The following UTP11 variants were observed in gnomAD, a reference collection of about 807,000 sequenced individuals.
UTP11 encodes probable U3 small nucleolar RNA-associated protein 11.
Under a neutral mutation model 39.0 loss-of-function variants are expected in UTP11, and 29 were observed. The observed-to-expected ratio is 0.74, with a 90% CI of 0.55 to 1.01. The LOEUF is 1.01. Among genes scored for constraint, UTP11 ranks in the 50% least tolerant of loss-of-function variants. The pLI, the probability that UTP11 is intolerant of heterozygous loss-of-function variation, is 0.00. For synonymous variants in UTP11, 111 were observed against 105.0 expected, an observed-to-expected ratio of 1.06 and a Z score of -0.35; for missense variants, 281 against 306.0, an observed-to-expected ratio of 0.92 and a Z score of 0.61.
In UTP11 at chr1:38,013,903, C is replaced by T. The variant is rs376058471; in HGVS notation, c.63+1038C>T. 9.3e-4 allele frequency among the ~76,000 whole-genome samples: 142 copies of T among 152,228 alleles called. 1 individual carries two copies. The highest frequency in any genetic ancestry group is 2.6e-3 in the African/African-American group (108 of 41,552). The stretch of plus-strand genomic sequence containing the variant: ...CTAATTTTTGTATTTTTAGTAGAGA[C>T]GGGGTTTTGTCAGATTGGCCAGGCT... On this transcript the variant is annotated intron_variant, in intron 1 of 7. Transcript: ENST00000373014.
chr1:38,017,622 C>CTTTT (rs1217188490), intron 2 of UTP11, 46 bp from the exon 3 acceptor site: 4 of 1,130,970 alleles, frequency 3.5e-6, no homozygotes, highest in East Asian at 6.8e-5. Flanking sequence ...TTAAAATTAT[C>CTTTT]TATTTTTTTT....
In UTP11 at chr1:38,018,489, C is replaced by G; in HGVS notation, c.254C>G (p.Thr85Ser). The G allele has an allele frequency of 6.2e-7, 1 of 1,613,158 alleles. No homozygotes were observed. Among genetic ancestry groups the G allele is most frequent in the Non-Finnish European group, 8.5e-7 (1 of 1,179,548 alleles). Residue 85 changes from threonine (T) to serine (S), a missense_variant, in exon 4 of 8, where the codon ACT (threonine) becomes AGT (serine). Physicochemically the swap from Thr to Ser is moderately conservative, Grantham distance 58 (BLOSUM62 1). Coordinates refer to ENST00000373014, the MANE Select transcript of UTP11 (RefSeq NM_016037.4). ...GATGGAGTACATATTATTAAGGAGA[C>G]TAAGGAAGAAGTAACCCCAGAACAA... ...LQDGVHIIKETKEEVTPEQLK... is the reference protein window; with the variant it reads ...LQDGVHIIKESKEEVTPEQLK...
At position 38,022,700 on chromosome 1, in the gene UTP11, G is replaced by T; in HGVS notation, c.569G>T (p.Arg190Leu). ...KGVTNQTGLK[R>L]IAKERQKQYN... ...AGAATGTGTGTGTTTCTTCTCCAGC[G>T]AATAGCTAAAGAAAGGCAAAAGCAG... Residue 190 changes from arginine to leucine, a missense_variant and splice_region_variant, in exon 7 of 8, where the codon CGA becomes CTA. Physicochemically the swap from Arg to Leu is moderately radical, Grantham distance 102. Transcript: ENST00000373014. The T allele has an allele frequency of 6.2e-7, 1 of 1,607,748 alleles. No individual in the cohort carries two copies. Among genetic ancestry groups the T allele is most frequent in the Non-Finnish European group, 8.5e-7 (1 of 1,174,542 alleles).
chr1:38,019,284 A>T lies in UTP11; in HGVS notation c.468A>T (p.Gln156His). 6.2e-7 allele frequency: 1 copy of T among 1,614,130 alleles called. No homozygotes were observed. The highest frequency in any genetic ancestry group is 2.2e-5 in the East Asian group (1 of 44,882). ...VEQFDVATHL[Q>H]TAPELVDRVF... ...AGTTTGATGTCGCAACTCACCTGCA[A>T]ACAGCCCCGGAGCTAGTCGACAGAG... Residue 156 changes from glutamine to histidine, a missense_variant, in exon 6 of 8, where the codon CAA (glutamine) becomes CAT (histidine). Coordinates refer to ENST00000373014, the MANE Select transcript of UTP11 (RefSeq NM_016037.4).
chr1:38,018,847 C>T (rs1256120956), intron 4 of UTP11, among the ~76,000 whole-genome samples: 1 of 152,186 alleles, frequency 6.6e-6, no homozygotes, highest in Non-Finnish European at 1.5e-5. Flanking sequence ...TCATTTCTGT[C>T]TCAGGCGACT....
At position 38,017,684 on chromosome 1, in the gene UTP11, C is replaced by G; in HGVS notation, c.142C>G (p.Gln48Glu). Reference sequence around the variant, plus strand: ...GTCTTTTAGTGACTACCGTAAAAAACAAGAATACCTCAAAGCTCTTCGGAA... The same window carrying G: ...GTCTTTTAGTGACTACCGTAAAAAAGAAGAATACCTCAAAGCTCTTCGGAA... ...KLRADDYRKK[Q>E]EYLKALRKKA... is the part of the protein sequence containing the mutation. The change falls in exon 3 of 8, where the codon CAA becomes GAA. Residue 48 changes from glutamine (Q) to glutamate (E), a missense_variant. Physicochemically the swap from Gln to Glu is conservative, Grantham distance 29 (BLOSUM62 2). Coordinates refer to ENST00000373014, the MANE Select transcript of UTP11 (RefSeq NM_016037.4). The G allele has an allele frequency of 6.6e-7, 1 of 1,524,028 alleles. No homozygotes were observed. The highest frequency in any genetic ancestry group is 8.8e-7 in the Non-Finnish European group (1 of 1,134,026). The allele number at this position is 1,524,028 out of a possible 1,614,324, so 94.4% of individuals were successfully genotyped here.
chr1:38,019,285 A>G lies in UTP11; in HGVS notation c.469A>G (p.Thr157Ala). 6.2e-7 allele frequency: 1 copy of G among 1,614,104 alleles called. No individual in the cohort carries two copies. Among genetic ancestry groups the G allele is most frequent in the Non-Finnish European group, 8.5e-7 (1 of 1,180,016 alleles). The stretch of plus-strand genomic sequence containing the variant: ...GTTTGATGTCGCAACTCACCTGCAA[A>G]CAGCCCCGGAGCTAGTCGACAGAGT... ...EQFDVATHLQTAPELVDRVFN... is the reference protein window; with the variant it reads ...EQFDVATHLQAAPELVDRVFN... Residue 157 changes from threonine to alanine, a missense_variant, in exon 6 of 8, where the codon ACA becomes GCA. By Grantham distance (58) the Thr-to-Ala change is moderately conservative. Transcript: ENST00000373014.
At chr1:38,014,689 G>A (rs1646697614) in intron 1 of UTP11, among the ~76,000 whole-genome samples, 1 of 152,224 alleles carries the variant, frequency 6.6e-6, no homozygotes. Context: ...CAAGGCTGGA[G>A]TGAGTGGGGC....
intron 6 of UTP11, among the ~76,000 whole-genome samples, chr1:38,021,852 C>T (rs901529051): frequency 6.6e-6 from 1 of 151,696 alleles, no homozygotes; most frequent in South Asian, 2.1e-4. Flanking sequence ...GAGATAGTGC[C>T]ACTGCACTCC....
intron 4 of UTP11, 71 bp from the exon 5 acceptor site, chr1:38,018,988 T>G: frequency 2.3e-6 from 3 of 1,295,360 alleles, no homozygotes; most frequent in Non-Finnish European, 3.2e-6. Context: ...GTTTAAACTT[T>G]TGCAGTTTTT....
In UTP11 at chr1:38,022,736, T is replaced by G. The variant is rs989027781; in HGVS notation, c.605T>G (p.Leu202Arg). ...GAAAGGCAAAAGCAGTATAACTGCC[T>G]GACACAGCGGATTGAACGAGAGAAG... ...AKERQKQYNC[L>R]TQRIEREKKL... is the part of the protein sequence containing the mutation. Residue 202 changes from leucine (L) to arginine (R), a missense_variant, in exon 7 of 8, where the codon CTG becomes CGG. By Grantham distance (102) the Leu-to-Arg change is moderately radical (BLOSUM62 -2). Coordinates refer to ENST00000373014, the MANE Select transcript of UTP11 (RefSeq NM_016037.4). 6.2e-7 allele frequency: 1 copy of G among 1,614,068 alleles called. No individual in the cohort carries two copies. Among genetic ancestry groups the G allele is most frequent in the African/African-American group, 1.3e-5 (1 of 75,052 alleles).
intron 1 of UTP11, among the ~76,000 whole-genome samples, chr1:38,015,671 C>T (rs534412769): frequency 6.6e-6 from 1 of 152,286 alleles, no homozygotes; most frequent in East Asian, 1.9e-4. Flanking sequence ...ATCCTTATAC[C>T]TTCCATGCTC....
chr1:38,018,417 A>G, intron 3 of UTP11, 47 bp from the exon 4 acceptor site: 1 of 1,434,174 alleles, frequency 7.0e-7, no homozygotes, highest in Non-Finnish European at 9.7e-7. Flanking sequence ...CAACTTATTA[A>G]TGATTTTAAT....
chr1:38,018,993 GT>G (rs200532400), intron 4 of UTP11, 65 bp from the exon 5 acceptor site: 77,383 of 1,076,298 alleles, frequency 0.072, 46 homozygotes, highest in Middle Eastern at 0.086. Context: ...AACTTTTGCA[GT>G]TTTTTTTTTT....
chr1:38,022,906 CA>C, intron 7 of UTP11, 97 bp downstream of exon 7: 1 of 835,934 alleles, frequency 1.2e-6, no homozygotes, highest in Non-Finnish European at 1.9e-6. Context: ...GTGTGTAAAT[CA>C]ACCCCAGTGA....
Position 38,023,536 on chromosome 1 carries a change from C to G in UTP11, c.679-9C>G, listed in dbSNP as rs767139868. 3 of 1,607,374 alleles carry G rather than the reference C, an allele frequency of 1.9e-6. No homozygotes were observed. Among genetic ancestry groups the G allele is most frequent in the Admixed American group, 3.4e-5 (2 of 58,566 alleles). ...TCTCTTTACTGATCACCTTTTTACT[C>G]TTTTGTAGGATAAAACTCAGAAAGT... On this transcript the variant is annotated splice_polypyrimidine_tract_variant and intron_variant, in intron 7 of 7. Transcript: ENST00000373014.
At position 38,013,961 on chromosome 1, in the gene UTP11, C is replaced by G. The variant is rs545321080; in HGVS notation, c.63+1096C>G. The stretch of plus-strand genomic sequence containing the variant: ...AACTCCTGACCTCTGGTGATCCACC[C>G]GCCTTGGCCTCCCAAAGTGCTGGGA... On this transcript the variant is annotated intron_variant, in intron 1 of 7. Coordinates refer to ENST00000373014, the MANE Select transcript of UTP11 (RefSeq NM_016037.4). Among the ~76,000 whole-genome samples, 53 of 152,322 alleles carry G rather than the reference C, an allele frequency of 3.5e-4. 1 individual carries two copies. The highest frequency in any genetic ancestry group is 1.3e-3 in the African/African-American group (52 of 41,566).
chr1:38,019,271 C>T lies in UTP11; in HGVS notation c.455C>T (p.Ala152Val). 1 of 1,614,076 alleles carries T rather than the reference C, an allele frequency of 6.2e-7. No homozygotes were observed. Among genetic ancestry groups the T allele is most frequent in the Non-Finnish European group, 8.5e-7 (1 of 1,180,002 alleles). Reference sequence around the variant, plus strand: ...ATTTTAGTTGAACAGTTTGATGTCGCAACTCACCTGCAAACAGCCCCGGAG... The same window carrying T: ...ATTTTAGTTGAACAGTTTGATGTCGTAACTCACCTGCAAACAGCCCCGGAG... ...TKKEVEQFDV[A>V]THLQTAPELV... is the part of the protein sequence containing the mutation. The change falls in exon 6 of 8, where the codon GCA becomes GTA. Residue 152 changes from alanine (A) to valine (V), a missense_variant. Transcript: ENST00000373014.
chr1:38,014,698 G>A (rs950443864), intron 1 of UTP11, among the ~76,000 whole-genome samples: 10 of 151,962 alleles, frequency 6.6e-5, no homozygotes, highest in African/African-American at 2.2e-4. Flanking sequence ...AGTGAGTGGG[G>A]CAATCACGGC....
Sources: allele counts gnomAD v4.1 joint callset (sites outside exome capture counted in the v4.1 genomes callset), GRCh38; gene constraint gnomAD v4.1.1; transcripts MANE v1.5; gene names NCBI Gene and HGNC (gene_info 2026-07-23, HGNC 2026-07-21).